Variants in ENOX1 observed in about 807,000 individuals in gnomAD.
ENOX1 encodes candidate growth-related and time keeping constitutive hydroquinone (NADH) oxidase.
Under a neutral mutation model 82.5 loss-of-function variants are expected in ENOX1, and 42 were observed. The ratio of observed to expected loss-of-function variants is 0.51; its 90% confidence interval spans 0.40 to 0.66. ENOX1 has a LOEUF of 0.66. Among genes scored for constraint, ENOX1 ranks in the 30% least tolerant of loss-of-function variants. The probability of loss-of-function intolerance (pLI) is 0.00; values close to 1 mark genes in which losing one functional copy is unlikely to be tolerated. For missense variants in ENOX1, 608 were observed against 811.6 expected (o/e 0.75, Z 3.05); for synonymous variants, 271 against 282.2 (o/e 0.96, Z 0.40).
chr13:43,285,373 T>C (rs761622580), intron 12 of ENOX1, among the ~76,000 whole-genome samples: 6 of 152,244 alleles, frequency 3.9e-5, no homozygotes, highest in Non-Finnish European at 8.8e-5. Context: ...GTAGTGACAT[T>C]ATGAATGATT....
intron 1 of ENOX1, among the ~76,000 whole-genome samples, chr13:43,743,022 G>C (rs1319137650): frequency 1.3e-5 from 2 of 152,266 alleles, no homozygotes. Flanking sequence ...GATGGCACTA[G>C]TTAATGTTCC....
intron 14 of ENOX1, among the ~76,000 whole-genome samples, chr13:43,242,544 A>G (rs1170910140): frequency 6.6e-6 from 1 of 152,204 alleles, no homozygotes; most frequent in Non-Finnish European, 1.5e-5. Flanking sequence ...CAAATTCAGA[A>G]TGAGAGGTGG....
At chr13:43,632,562 C>T (rs1426860211) in intron 2 of ENOX1, among the ~76,000 whole-genome samples, 1 of 151,950 alleles carries the variant, frequency 6.6e-6, no homozygotes, top group Admixed American at 6.6e-5. Flanking sequence ...TCTCCTGCCT[C>T]AGCCTCCCAA....
At chr13:43,261,278 G>A (rs1251531330) in intron 14 of ENOX1, among the ~76,000 whole-genome samples, 3 of 152,146 alleles carry the variant, frequency 2.0e-5, no homozygotes, top group Non-Finnish European at 2.9e-5. Context: ...AAGACTCTAC[G>A]TATCCTTTAG....
At chr13:43,267,742 G>A (rs1402252044) in intron 13 of ENOX1, among the ~76,000 whole-genome samples, 1 of 152,164 alleles carries the variant, frequency 6.6e-6, no homozygotes, top group Non-Finnish European at 1.5e-5. Flanking sequence ...CCACCAAGGG[G>A]TAGCAGGTGA....
At chr13:43,674,090 A>T (rs1215040059) in intron 1 of ENOX1, among the ~76,000 whole-genome samples, 1 of 152,230 alleles carries the variant, frequency 6.6e-6, no homozygotes, top group Non-Finnish European at 1.5e-5. Flanking sequence ...AACCAGGAGC[A>T]GAGTGAATGA....
At chr13:43,552,159 G>A (rs1004942198) in intron 2 of ENOX1, among the ~76,000 whole-genome samples, 1 of 151,900 alleles carries the variant, frequency 6.6e-6, no homozygotes, top group Non-Finnish European at 1.5e-5. Context: ...ATAAAACACC[G>A]AAGTATTCAT....
chr13:43,640,912 GCACACATACACACACACACA>G lies in ENOX1; in HGVS notation c.-219+26547_-219+26566del, dbSNP rs2083616320. 4.3e-4 allele frequency among the ~76,000 whole-genome samples: 8 copies of G among 18,674 alleles called. No individual in the cohort carries two copies. In the Admixed American group the frequency reaches 7.3e-3, roughly 17 times the overall value. 12.3% of individuals were successfully genotyped at this position (18,674 alleles called of 152,430 possible). On this transcript the variant is annotated intron_variant, in intron 2 of 16. Coordinates refer to ENST00000690772, the MANE Select transcript of ENOX1 (RefSeq NM_001347969.2). Reference sequence around the variant, plus strand: ...CACACACACGTACACACACACGCACGCACACATACACACACACACACACACGTAACCTACAGCAAAATCAA... The same window carrying G: ...CACACACACGTACACACACACGCACGCACACGTAACCTACAGCAAAATCAA...
At chr13:43,694,623 C>G (rs1442139248) in intron 1 of ENOX1, among the ~76,000 whole-genome samples, 1 of 152,182 alleles carries the variant, frequency 6.6e-6, no homozygotes, top group Non-Finnish European at 1.5e-5. Flanking sequence ...TTGAGTGATA[C>G]TTGAAGATTG....
intron 5 of ENOX1, among the ~76,000 whole-genome samples, chr13:43,370,430 C>T (rs1358498047): frequency 6.6e-6 from 1 of 152,148 alleles, no homozygotes; most frequent in East Asian, 1.9e-4. Flanking sequence ...CTGATTTCTT[C>T]TGAATCCTCT....
intron 16 of ENOX1, among the ~76,000 whole-genome samples, chr13:43,217,099 T>C (rs570145377): frequency 1.8e-4 from 27 of 152,162 alleles, no homozygotes; most frequent in Non-Finnish European, 3.2e-4. Flanking sequence ...CTGTGGTGCC[T>C]TGTTCTTAAC....
chr13:43,393,661 GTCT>G (rs1456310270), intron 5 of ENOX1, among the ~76,000 whole-genome samples: 1 of 152,148 alleles, frequency 6.6e-6, no homozygotes, highest in Admixed American at 6.5e-5. Context: ...ATTAAGCATG[GTCT>G]TCTAGCACAA....
chr13:43,404,281 C>T (rs1447967487), intron 5 of ENOX1, among the ~76,000 whole-genome samples: 2 of 152,328 alleles, frequency 1.3e-5, no homozygotes, highest in East Asian at 3.9e-4. Flanking sequence ...TCCTACCAGA[C>T]TTGAGTTAAG....
At chr13:43,616,173 T>TAG (rs1566641952) in intron 2 of ENOX1, among the ~76,000 whole-genome samples, 2 of 6,916 alleles carry the variant, frequency 2.9e-4, no homozygotes, top group Non-Finnish European at 4.4e-4. Context: ...TATCTATCTA[T>TAG]CTATCTATCT....
At chr13:43,633,817 A>G (rs1472331) in intron 2 of ENOX1, among the ~76,000 whole-genome samples, 12,429 of 152,004 alleles carry the variant, frequency 0.082, 528 homozygotes, top group Middle Eastern at 0.15. Context: ...TAGAGAGTAA[A>G]AAGAGCTTAT....
chr13:43,754,307 GTA>G lies in ENOX1; in HGVS notation c.-285+32343_-285+32344del, dbSNP rs201687111. Among the ~76,000 whole-genome samples, 680 of 82,566 alleles carry G rather than the reference GTA, an allele frequency of 8.2e-3. 3 individuals are homozygous for G. Among genetic ancestry groups the G allele is most frequent in the African/African-American group, 0.019 (643 of 34,254 alleles). 54.2% of individuals were successfully genotyped at this position (82,566 alleles called of 152,430 possible). A position where few individuals can be genotyped will look rare whatever the true frequency, so the allele number is the denominator to read the frequency against. ...CATATATACACATATATGCGTGTATGTATGTGTGTGTGTGTGTATATATATAT... is the reference window on the plus strand; with the variant it reads ...CATATATACACATATATGCGTGTATGTGTGTGTGTGTGTGTATATATATAT... On this transcript the variant is annotated intron_variant, in intron 1 of 16. Transcript: ENST00000690772.
At chr13:43,521,034 A>G (rs1193117135) in intron 2 of ENOX1, among the ~76,000 whole-genome samples, 1 of 152,170 alleles carries the variant, frequency 6.6e-6, no homozygotes, top group African/African-American at 2.4e-5. Context: ...TTTTTCCTTA[A>G]TATAGCAATG....
chr13:43,647,052 C>T lies in ENOX1; in HGVS notation c.-219+20427G>A, dbSNP rs928608918. Among the ~76,000 whole-genome samples, 89 of 152,124 alleles carry T rather than the reference C, an allele frequency of 5.9e-4. 2 individuals are homozygous for T. The highest frequency in any genetic ancestry group is 2.1e-3 in the African/African-American group (88 of 41,434). On this transcript the variant is annotated intron_variant, in intron 2 of 16. Transcript: ENST00000690772. ...GAGGCCAATAGATGGTCTCAGCACC[C>T]ATTCTGGCCCTCTCAGAGGCGTCTT... is the stretch of plus-strand genomic sequence containing the variant.
intron 2 of ENOX1, among the ~76,000 whole-genome samples, chr13:43,593,590 C>A (rs2153726666): frequency 6.6e-6 from 1 of 151,630 alleles, no homozygotes; most frequent in South Asian, 2.1e-4. Context: ...AGGTAGCCAA[C>A]AAGGGCGCCC....
Sources: allele counts gnomAD v4.1 joint callset (sites outside exome capture counted in the v4.1 genomes callset), GRCh38; gene constraint gnomAD v4.1.1; transcripts MANE v1.5; gene names NCBI Gene and HGNC (gene_info 2026-07-23, HGNC 2026-07-21).